The following SEL1L2 variants were observed in gnomAD, a reference collection of about 807,000 sequenced individuals.
The protein encoded by SEL1L2 is SEL1L2 adaptor subunit of SYVN1 ubiquitin ligase, also known as protein sel-1 homolog 2.
A neutral mutation model predicts 98.8 loss-of-function variants in SEL1L2; 89 were observed. That is an observed-to-expected ratio of 0.90 (90% CI 0.76 to 1.07). The LOEUF is 1.07. SEL1L2 is among the 50% of genes least tolerant of loss of function. The pLI, the probability that SEL1L2 is intolerant of heterozygous loss-of-function variation, is 0.00. For synonymous variants in SEL1L2, 262 were observed against 278.5 expected, an observed-to-expected ratio of 0.94 and a Z score of 0.59; for missense variants, 788 against 812.0, an observed-to-expected ratio of 0.97 and a Z score of 0.36.
intron 3 of SEL1L2, among the ~76,000 whole-genome samples, chr20:13,926,795 C>T (rs978823682): frequency 2.6e-5 from 4 of 152,100 alleles, no homozygotes; most frequent in African/African-American, 9.7e-5. Flanking sequence ...TCACAGGCCC[C>T]AGAAGCAGCA....
intron 5 of SEL1L2, among the ~76,000 whole-genome samples, chr20:13,900,189 G>T (rs2047608448): frequency 6.6e-6 from 1 of 152,120 alleles, no homozygotes; most frequent in Admixed American, 6.5e-5. Flanking sequence ...ATATGAGTGT[G>T]ACCTATAATA....
Position 13,885,401 on chromosome 20 carries a change from G to A in SEL1L2, c.903C>T (p.Val301=), listed in dbSNP as rs1427782815. The A allele has an allele frequency of 3.1e-6, 5 of 1,593,910 alleles. No homozygotes were observed. The highest frequency in any genetic ancestry group is 3.4e-6 in the Non-Finnish European group (4 of 1,161,774). The change falls in exon 10 of 20, where the codon GTC becomes GTT. Residue 301 remains valine (V), a splice_region_variant and synonymous_variant. Transcript: ENST00000284951. ...LAERGDVQIQ[V]SLGQLHLIGR... ...CAATTAGATGTAATTGTCCAAGAGA[G>A]ACCTAGGAATGATGAGTTTGGAAAT... is the stretch of plus-strand genomic sequence containing the variant.
chr20:13,866,734 C>T lies in SEL1L2; in HGVS notation c.1372G>A (p.Gly458Arg). Residue 458 changes from glycine to arginine, a missense_variant, in exon 15 of 20, where the codon GGA becomes AGA. By Grantham distance (125) the Gly-to-Arg change is moderately radical. Coordinates refer to ENST00000284951, the MANE Select transcript of SEL1L2 (RefSeq NM_025229.2). ...GCAGTTCTGCATGATCTTACTACTCCTGTTCCTGTTGCATACATCTTGGCC... is the reference window on the plus strand; with the variant it reads ...GCAGTTCTGCATGATCTTACTACTCTTGTTCCTGTTGCATACATCTTGGCC... ...YLAKMYATGT[G>R]VVRSCRTAVE... 1 of 1,605,082 alleles carries T rather than the reference C, an allele frequency of 6.2e-7. No homozygotes were observed. Among genetic ancestry groups the T allele is most frequent in the Non-Finnish European group, 8.5e-7 (1 of 1,177,084 alleles).
rs1282112044 is a variant in SEL1L2, at chr20:13,882,724, A to G, written c.957+2623T>C. On this transcript the variant is annotated intron_variant, in intron 10 of 19. Transcript: ENST00000284951. The stretch of plus-strand genomic sequence containing the variant: ...CTGACCTGCCAAAATCATGAATTAA[A>G]TAAATGGTTATTATTGAAAACCACC... 2.6e-5 allele frequency among the ~76,000 whole-genome samples: 4 copies of G among 152,322 alleles called. No individual in the cohort carries two copies. The East Asian group carries it at 7.7e-4, about 29-fold the overall frequency.
At chr20:13,887,399 T>G (rs1044286938) in intron 8 of SEL1L2, among the ~76,000 whole-genome samples, 1 of 152,208 alleles carries the variant, frequency 6.6e-6, no homozygotes, top group African/African-American at 2.4e-5. Flanking sequence ...TACCTTACAT[T>G]CATTCCTTTA....
intron 17 of SEL1L2, among the ~76,000 whole-genome samples, chr20:13,863,066 G>A (rs1040107991): frequency 2.0e-5 from 3 of 152,080 alleles, no homozygotes; most frequent in Non-Finnish European, 4.4e-5. Context: ...AAATGTACAG[G>A]TCAGTAACTG....
chr20:13,937,535 T>A (rs2049515358), intron 2 of SEL1L2, among the ~76,000 whole-genome samples: 1 of 152,192 alleles, frequency 6.6e-6, no homozygotes, highest in Admixed American at 6.5e-5. Context: ...TTTGGCCCAA[T>A]AAAACCCTGC....
At chr20:13,964,632 A>G (rs1297667796) in intron 1 of SEL1L2, among the ~76,000 whole-genome samples, 3 of 151,056 alleles carry the variant, frequency 2.0e-5, no homozygotes, top group African/African-American at 4.9e-5. Flanking sequence ...TTGTATTTTT[A>G]GTAGAGACGG....
At chr20:13,952,411 G>A (rs2050317040) in intron 2 of SEL1L2, among the ~76,000 whole-genome samples, 1 of 152,172 alleles carries the variant, frequency 6.6e-6, no homozygotes, top group South Asian at 2.1e-4. Context: ...TGAGGTCTAG[G>A]GAACTCCAAG....
chr20:13,983,584 G>A (rs907561299), intron 1 of SEL1L2, among the ~76,000 whole-genome samples: 1 of 151,862 alleles, frequency 6.6e-6, no homozygotes, highest in African/African-American at 2.4e-5. Context: ...GCAATGGCAC[G>A]ATCTCAACTC....
intron 5 of SEL1L2, among the ~76,000 whole-genome samples, chr20:13,912,331 T>C (rs2048240236): frequency 6.8e-6 from 1 of 146,460 alleles, no homozygotes; most frequent in East Asian, 2.0e-4. Flanking sequence ...GGAGTCTTGC[T>C]CTGTCGCCCA....
intron 2 of SEL1L2, among the ~76,000 whole-genome samples, chr20:13,953,492 T>G (rs1351437710): frequency 6.6e-6 from 1 of 152,170 alleles, no homozygotes; most frequent in Non-Finnish European, 1.5e-5. Flanking sequence ...TTAACAGCAG[T>G]TAGATGTACT....
chr20:13,980,915 A>G (rs574547755), intron 1 of SEL1L2, among the ~76,000 whole-genome samples: 1 of 152,350 alleles, frequency 6.6e-6, no homozygotes, highest in East Asian at 1.9e-4. Context: ...GATCTCACTT[A>G]TATGTGGAAT....
chr20:13,895,471 A>G, intron 5 of SEL1L2, among the ~76,000 whole-genome samples: 1 of 149,954 alleles, frequency 6.7e-6, no homozygotes, highest in Admixed American at 6.7e-5. Context: ...AAAAAAAGCC[A>G]GTTACCATAA....
chr20:13,858,125 A>T (rs917927635), intron 18 of SEL1L2, among the ~76,000 whole-genome samples: 4 of 152,152 alleles, frequency 2.6e-5, no homozygotes, highest in African/African-American at 2.4e-5. Flanking sequence ...GGCAGGCTGC[A>T]GGGGAGGACA....
At chr20:13,961,486 T>C (rs2050768810) in intron 1 of SEL1L2, among the ~76,000 whole-genome samples, 1 of 152,158 alleles carries the variant, frequency 6.6e-6, no homozygotes, top group Non-Finnish European at 1.5e-5. Context: ...TTTTGGGGCA[T>C]GGAGGGGAAG....
intron 4 of SEL1L2, 75 bp downstream of exon 4, chr20:13,918,946 A>T (rs2048528202): frequency 1.0e-6 from 1 of 982,318 alleles, no homozygotes; most frequent in African/African-American, 1.6e-5. Flanking sequence ...TTTTAATGAT[A>T]AACTACATTT....
intron 3 of SEL1L2, among the ~76,000 whole-genome samples, chr20:13,920,943 C>G (rs549103889): frequency 3.3e-5 from 5 of 152,246 alleles, no homozygotes; most frequent in African/African-American, 1.2e-4. Context: ...CTAATTTCTG[C>G]TCTGAGTTAT....
intron 10 of SEL1L2, 58 bp from the exon 11 acceptor site, chr20:13,877,646 T>C: frequency 7.3e-7 from 1 of 1,368,632 alleles, no homozygotes; most frequent in East Asian, 2.3e-5. Context: ...TCAAAATAGC[T>C]TTTTGAACCA....
Sources: allele counts gnomAD v4.1 joint callset (sites outside exome capture counted in the v4.1 genomes callset), GRCh38; gene constraint gnomAD v4.1.1; transcripts MANE v1.5; gene names NCBI Gene and HGNC (gene_info 2026-07-23, HGNC 2026-07-21).